The following SLC9A9 variants were observed in gnomAD, a reference collection of about 807,000 sequenced individuals.
The protein encoded by SLC9A9 is sodium/hydrogen exchanger 9.
SLC9A9 carries 62 observed loss-of-function variants against 77.8 expected under a neutral mutation model. The ratio of observed to expected loss-of-function variants is 0.80; its 90% CI spans 0.65 to 0.98. The LOEUF (loss-of-function observed/expected upper bound fraction) is 0.98. Among genes scored for constraint, SLC9A9 ranks in the 50% least tolerant of loss-of-function variants. The pLI, the probability that SLC9A9 is intolerant of heterozygous loss-of-function variation, is 0.00. For missense variants in SLC9A9, 775 were observed against 774.9 expected (o/e 1.00, Z 0.00); for synonymous variants, 320 against 283.5 (o/e 1.13, Z -1.29).
At chr3:143,802,731 T>C (rs2008599528) in intron 2 of SLC9A9, among the ~76,000 whole-genome samples, 1 of 152,204 alleles carries the variant, frequency 6.6e-6, no homozygotes, top group South Asian at 2.1e-4. Context: ...AAAGGTAGAA[T>C]AGACTAATGG....
At chr3:143,382,002 G>T in intron 13 of SLC9A9, 58 bp downstream of exon 13, 1 of 1,591,336 alleles carries the variant, frequency 6.3e-7, no homozygotes, top group Non-Finnish European at 8.6e-7. Context: ...ACATGGAACA[G>T]CCTATGGAAC....
chr3:143,570,313 C>T (rs13060139), intron 8 of SLC9A9, among the ~76,000 whole-genome samples: 28,653 of 151,966 alleles, frequency 0.19, 2,738 homozygotes, highest in South Asian at 0.28. Flanking sequence ...GAAAATGGAA[C>T]TTGATTATCA....
intron 4 of SLC9A9, among the ~76,000 whole-genome samples, chr3:143,770,764 CA>C (rs1193451742): frequency 1.3e-5 from 2 of 151,814 alleles, no homozygotes; most frequent in African/African-American, 4.8e-5. Flanking sequence ...AATGACAAAC[CA>C]GGAAATATAT....
intron 6 of SLC9A9, among the ~76,000 whole-genome samples, chr3:143,604,369 T>C (rs988790663): frequency 1.3e-5 from 2 of 152,236 alleles, no homozygotes; most frequent in Non-Finnish European, 2.9e-5. Flanking sequence ...TTTTCTCTTA[T>C]GGAGCTCAAA....
chr3:143,443,992 G>A (rs553536603), intron 12 of SLC9A9, among the ~76,000 whole-genome samples: 11 of 152,120 alleles, frequency 7.2e-5, no homozygotes, highest in Non-Finnish European at 1.5e-4. Flanking sequence ...TGGATAAGTA[G>A]GTGGTGTAAT....
chr3:143,301,338 T>G (rs184979103), intron 14 of SLC9A9, among the ~76,000 whole-genome samples: 169 of 152,356 alleles, frequency 1.1e-3, no homozygotes, highest in Middle Eastern at 6.8e-3. Context: ...TGCTTCCTCT[T>G]CTATTCACAC....
chr3:143,276,000 C>G (rs965259908), intron 14 of SLC9A9, among the ~76,000 whole-genome samples: 7 of 152,126 alleles, frequency 4.6e-5, no homozygotes, highest in Non-Finnish European at 7.4e-5. Context: ...ATGAGCTTTC[C>G]TGCTGTTTCC....
chr3:143,565,056 A>G (rs2037146018), intron 8 of SLC9A9, among the ~76,000 whole-genome samples: 2 of 152,152 alleles, frequency 1.3e-5, no homozygotes, highest in Admixed American at 1.3e-4. Flanking sequence ...ACACATTTAC[A>G]TCAATGTTGC....
rs1296825244 is a variant in SLC9A9, at chr3:143,709,507, AG to A, written c.534-16201del. ...CACTTTGAGTATGAAACTCGAAATG[AG>A]GGTGCTGTTTAAGCAAAATAGCTCA... is the stretch of plus-strand genomic sequence containing the variant. On this transcript the variant is annotated intron_variant, in intron 4 of 15. Coordinates refer to ENST00000316549, the MANE Select transcript of SLC9A9 (RefSeq NM_173653.4). Among the ~76,000 whole-genome samples, 7 of 152,282 alleles carry A rather than the reference AG, an allele frequency of 4.6e-5. No individual in the cohort carries two copies. In the East Asian group the frequency reaches 1.4e-3, roughly 29 times the overall value.
intron 12 of SLC9A9, among the ~76,000 whole-genome samples, chr3:143,392,677 C>T (rs1002958015): frequency 2.0e-5 from 3 of 152,138 alleles, no homozygotes; most frequent in Non-Finnish European, 4.4e-5. Flanking sequence ...AGAGTCAAGA[C>T]CCATCAGTGT....
intron 5 of SLC9A9, among the ~76,000 whole-genome samples, chr3:143,675,264 C>T (rs1186683319): frequency 6.6e-6 from 1 of 152,234 alleles, no homozygotes; most frequent in African/African-American, 2.4e-5. Flanking sequence ...CCTGAGGTCT[C>T]CTAACTCCCA....
At chr3:143,488,678 C>CA (rs1231021278) in intron 11 of SLC9A9, among the ~76,000 whole-genome samples, 1 of 151,694 alleles carries the variant, frequency 6.6e-6, no homozygotes, top group East Asian at 1.9e-4. Context: ...GCAGAAACAT[C>CA]ATTTGATAAA....
chr3:143,740,079 C>T (rs927090644), intron 4 of SLC9A9, among the ~76,000 whole-genome samples: 1 of 152,150 alleles, frequency 6.6e-6, no homozygotes, highest in South Asian at 2.1e-4. Context: ...CAAAGTCCAA[C>T]TTCTACTAAG....
chr3:143,836,767 T>G (rs1328907960), intron 1 of SLC9A9, among the ~76,000 whole-genome samples: 4 of 152,208 alleles, frequency 2.6e-5, no homozygotes, highest in Non-Finnish European at 5.9e-5. Context: ...TCCCTTATTA[T>G]GTGTTCATGC....
chr3:143,797,470 G>T (rs966830023), intron 2 of SLC9A9, among the ~76,000 whole-genome samples: 8 of 152,164 alleles, frequency 5.3e-5, no homozygotes, highest in African/African-American at 1.4e-4. Flanking sequence ...CCCAAGCTAA[G>T]CCATCATATC....
chr3:143,808,893 A>G (rs1466841773), intron 2 of SLC9A9, among the ~76,000 whole-genome samples: 1 of 152,240 alleles, frequency 6.6e-6, no homozygotes, highest in Non-Finnish European at 1.5e-5. Flanking sequence ...AAGAAAATAA[A>G]ATATTTGAAC....
intron 14 of SLC9A9, among the ~76,000 whole-genome samples, chr3:143,356,670 G>A (rs538159607): frequency 5.9e-5 from 9 of 152,218 alleles, no homozygotes; most frequent in Non-Finnish European, 1.0e-4. Flanking sequence ...ACAGGTGCAT[G>A]CTACCATGCT....
chr3:143,837,722 C>G (rs756096663), intron 1 of SLC9A9, among the ~76,000 whole-genome samples: 1 of 152,140 alleles, frequency 6.6e-6, no homozygotes, highest in Non-Finnish European at 1.5e-5. Flanking sequence ...CTGCTGATAA[C>G]CGGTTTGGAA....
At chr3:143,292,130 G>T (rs978835391) in intron 14 of SLC9A9, among the ~76,000 whole-genome samples, 7 of 152,214 alleles carry the variant, frequency 4.6e-5, no homozygotes, top group African/African-American at 1.7e-4. Flanking sequence ...GAGCTTGTGG[G>T]ATGAGGACAC....
Sources: gnomAD v4.1 joint callset for allele counts (sites outside exome capture counted in the v4.1 genomes callset) on GRCh38, gnomAD v4.1.1 for gene constraint, MANE v1.5 for transcripts, NCBI Gene and HGNC (gene_info 2026-07-23, HGNC 2026-07-21) for gene names.